The following B3GALT1 variants were observed in gnomAD, a reference collection of about 807,000 sequenced individuals.
The protein encoded by B3GALT1 is UDP-Gal:betaGlcNAc beta 1,3-galactosyltransferase, polypeptide 1.
B3GALT1 carries 10 observed loss-of-function variants against 23.2 expected under a neutral mutation model. That is an observed-to-expected ratio of 0.43 (90% CI 0.27 to 0.73). The LOEUF (loss-of-function observed/expected upper bound fraction) is 0.73. Ranked by LOEUF, B3GALT1 falls within the 30% of genes least tolerant of loss-of-function variation. B3GALT1 has a pLI of 0.21. For missense variants in B3GALT1, 299 were observed against 405.4 expected (o/e 0.74, Z 2.25); for synonymous variants, 156 against 141.5 (o/e 1.10, Z -0.73).
intron 1 of B3GALT1, among the ~76,000 whole-genome samples, chr2:167,439,097 T>C (rs1180710889): frequency 6.6e-6 from 1 of 152,252 alleles, no homozygotes; most frequent in Admixed American, 6.5e-5. Flanking sequence ...GCTTCTTTTT[T>C]CTTGACATCA....
intron 1 of B3GALT1, among the ~76,000 whole-genome samples, chr2:167,442,740 A>T (rs1698915575): frequency 6.8e-6 from 1 of 146,110 alleles, no homozygotes; most frequent in African/African-American, 2.6e-5. Flanking sequence ...TTTTCTTGTA[A>T]ATTTGTTTGA....
rs183752551 is a variant in B3GALT1 at position 167,315,243 on chromosome 2, T to C, written c.-511+21909T>C. On this transcript the variant is annotated intron_variant, in intron 1 of 4. Transcript: ENST00000392690. ...TGTTTAATATTGTGGTAAGTGTAAC[T>C]CCACCTCTTATGAAGAAGGTCCTGG... 8.1e-4 allele frequency among the ~76,000 whole-genome samples: 124 copies of C among 152,308 alleles called. 2 individuals are homozygous for C. In the East Asian group the frequency reaches 0.021, roughly 26 times the overall value.
chr2:167,505,530 A>G lies in B3GALT1; in HGVS notation c.-410+15253A>G, dbSNP rs148519737. On this transcript the variant is annotated intron_variant, in intron 2 of 4. Coordinates refer to ENST00000392690, the MANE Select transcript of B3GALT1 (RefSeq NM_020981.4). The stretch of plus-strand genomic sequence containing the variant: ...CTAAGGAGAAAAGACTCTAAGGAAC[A>G]GGTAAATTATTTCCTACGTGAGGGC... Among the ~76,000 whole-genome samples, 88 of 152,290 alleles carry G rather than the reference A, an allele frequency of 5.8e-4. 1 individual carries two copies. Among genetic ancestry groups the G allele is most frequent in the African/African-American group, 1.9e-3 (77 of 41,558 alleles).
At chr2:167,566,967 C>G (rs1421698718) in intron 2 of B3GALT1, among the ~76,000 whole-genome samples, 3 of 152,174 alleles carry the variant, frequency 2.0e-5, no homozygotes, top group African/African-American at 7.2e-5. Flanking sequence ...GATTCCAATA[C>G]CTCTTGCAAT....
intron 1 of B3GALT1, among the ~76,000 whole-genome samples, chr2:167,485,265 C>T (rs1391647366): frequency 1.3e-5 from 2 of 151,962 alleles, no homozygotes; most frequent in African/African-American, 4.8e-5. Context: ...GAAAATTCTG[C>T]CTGAACCACC....
chr2:167,505,048 A>T (rs1699899922), intron 2 of B3GALT1, among the ~76,000 whole-genome samples: 1 of 152,188 alleles, frequency 6.6e-6, no homozygotes, highest in Non-Finnish European at 1.5e-5. Flanking sequence ...ATATTAAGTG[A>T]ACAGAGCAAG....
chr2:167,649,901 C>T (rs1050372065), intron 3 of B3GALT1, among the ~76,000 whole-genome samples: 6 of 151,838 alleles, frequency 4.0e-5, no homozygotes, highest in Admixed American at 1.3e-4. Flanking sequence ...GTTTGAATGT[C>T]TTTTATTTCT....
chr2:167,867,520 C>T (rs1690258591), intron 4 of B3GALT1, among the ~76,000 whole-genome samples: 1 of 150,784 alleles, frequency 6.6e-6, no homozygotes, highest in African/African-American at 2.5e-5. Flanking sequence ...ATCATATATT[C>T]ACAGTCAGCT....
intron 3 of B3GALT1, among the ~76,000 whole-genome samples, chr2:167,686,564 G>T (rs945528081): frequency 1.3e-5 from 2 of 152,044 alleles, no homozygotes; most frequent in African/African-American, 4.8e-5. Context: ...TTACTTATTT[G>T]ATGATTTTGT....
chr2:167,822,306 CTAA>C (rs1487502337), intron 4 of B3GALT1, among the ~76,000 whole-genome samples: 27 of 84,704 alleles, frequency 3.2e-4, no homozygotes, highest in African/African-American at 1.2e-3. Context: ...AGAAGAGGTG[CTAA>C]ACTAAACAGA....
chr2:167,818,677 C>T lies in B3GALT1; in HGVS notation c.-346C>T, dbSNP rs940946010. Among the ~76,000 whole-genome samples the T allele has an allele frequency of 5.9e-5, 9 of 152,176 alleles. No individual in the cohort carries two copies. Among genetic ancestry groups the T allele is most frequent in the African/African-American group, 2.2e-4 (9 of 41,470 alleles). ...TCTTCTTGGTGTCCACTTAGGGCTA[C>T]GCAGCTTGCTCCTGGCACGGGCACC... On this transcript the variant is annotated 5_prime_UTR_variant, in exon 4 of 5. It adds an upstream start codon to the 5' untranslated region. Coordinates refer to ENST00000392690, the MANE Select transcript of B3GALT1 (RefSeq NM_020981.4).
At chr2:167,324,433 A>C (rs533983316) in intron 1 of B3GALT1, among the ~76,000 whole-genome samples, 1 of 152,190 alleles carries the variant, frequency 6.6e-6, no homozygotes, top group African/African-American at 2.4e-5. Context: ...CAGGCTGATA[A>C]TCATGAGTAA....
chr2:167,395,469 C>T (rs1698079445), intron 1 of B3GALT1, among the ~76,000 whole-genome samples: 1 of 152,040 alleles, frequency 6.6e-6, no homozygotes, highest in South Asian at 2.1e-4. Context: ...TACAATGGCT[C>T]CTAGTAGCTG....
intron 3 of B3GALT1, among the ~76,000 whole-genome samples, chr2:167,682,792 G>A (rs1368088819): frequency 1.3e-5 from 2 of 152,142 alleles, no homozygotes; most frequent in African/African-American, 4.8e-5. Flanking sequence ...CCTAGAACCC[G>A]GTAGAGCCCT....
At chr2:167,597,442 G>A (rs1468875417) in intron 2 of B3GALT1, among the ~76,000 whole-genome samples, 1 of 152,080 alleles carries the variant, frequency 6.6e-6, no homozygotes, top group African/African-American at 2.4e-5. Context: ...GGGCCATTTG[G>A]TATCCTTCTA....
intron 2 of B3GALT1, among the ~76,000 whole-genome samples, chr2:167,581,919 G>GGTCTAA (rs1285737183): frequency 6.6e-6 from 1 of 152,056 alleles, no homozygotes; most frequent in Non-Finnish European, 1.5e-5. Context: ...TGTTAAGAAC[G>GGTCTAA]GTCTAACTGA....
chr2:167,386,044 T>C (rs976144657), intron 1 of B3GALT1, among the ~76,000 whole-genome samples: 2 of 152,222 alleles, frequency 1.3e-5, no homozygotes, highest in Non-Finnish European at 2.9e-5. Flanking sequence ...ATATTGCAGT[T>C]GAGAAGTCAA....
intron 1 of B3GALT1, among the ~76,000 whole-genome samples, chr2:167,397,493 G>T (rs1698117315): frequency 6.6e-6 from 1 of 151,966 alleles, no homozygotes; most frequent in Non-Finnish European, 1.5e-5. Flanking sequence ...AAAACCTCTT[G>T]GCACATTCTG....
chr2:167,612,165 G>C (rs965413173), intron 2 of B3GALT1, among the ~76,000 whole-genome samples: 1 of 151,734 alleles, frequency 6.6e-6, no homozygotes, highest in Non-Finnish European at 1.5e-5. Context: ...ACTGTTAAAG[G>C]GCAGTTAAGA....
Sources: gnomAD v4.1 joint callset for allele counts (sites outside exome capture counted in the v4.1 genomes callset) on GRCh38, gnomAD v4.1.1 for gene constraint, MANE v1.5 for transcripts, NCBI Gene and HGNC (gene_info 2026-07-23, HGNC 2026-07-21) for gene names.